CROCC2: variants seen among roughly 807,000 people sequenced by gnomAD.
CROCC2 encodes the protein ciliary rootlet coiled-coil protein 2.
A neutral mutation model predicts 177.6 loss-of-function variants in CROCC2; 163 were observed. The observed-to-expected ratio is 0.92, with a 90% CI of 0.81 to 1.05. CROCC2 has a LOEUF of 1.05. Among genes scored for constraint, CROCC2 ranks in the 50% least tolerant of loss-of-function variants. The probability of loss-of-function intolerance (pLI) is 0.00; values close to 1 mark genes in which losing one functional copy is unlikely to be tolerated. For missense variants in CROCC2, 1,929 were observed against 1,797.8 expected, an observed-to-expected ratio of 1.07 and a Z score of -1.32; for synonymous variants, 904 against 787.3, an observed-to-expected ratio of 1.15 and a Z score of -2.48.
At chr2:240,975,977 C>G (rs1244542519) in intron 27 of CROCC2, among the ~76,000 whole-genome samples, 1 of 152,128 alleles carries the variant, frequency 6.6e-6, no homozygotes, top group African/African-American at 2.4e-5. Flanking sequence ...AAAATCTGCC[C>G]ATCTCAGCCT....
rs112999140 is a variant in CROCC2, at chr2:240,968,164, C to G, written c.4303C>G (p.Arg1435Gly). The change falls in exon 27 of 32, where the codon CGG (arginine) becomes GGG (glycine). Residue 1435 changes from arginine (R) to glycine (G), a missense_variant. Coordinates refer to ENST00000690015, the MANE Select transcript of CROCC2 (RefSeq NM_001351305.2). Reference sequence around the variant, plus strand: ...GGTGGAGGGCGCGCTGAGCAGCGCCCGGGCAGCACGTGCCCTGCAGAAGGA... The same window carrying G: ...GGTGGAGGGCGCGCTGAGCAGCGCCGGGGCAGCACGTGCCCTGCAGAAGGA... Reference protein sequence around the residue: ...RRVEGALSSARAARALQKEAL... With the variant: ...RRVEGALSSAGAARALQKEAL... 2.2e-4 allele frequency: 332 copies of G among 1,525,506 alleles called. 1 individual carries two copies. The African/African-American group carries it at 3.7e-3, about 17-fold the overall frequency. The allele number at this position is 1,525,506 out of a possible 1,614,324, so 94.5% of individuals were successfully genotyped here.
At chr2:240,976,677 T>A (rs1303870173) in intron 27 of CROCC2, among the ~76,000 whole-genome samples, 1 of 116,422 alleles carries the variant, frequency 8.6e-6, no homozygotes, top group Non-Finnish European at 1.8e-5. Flanking sequence ...GAGCCCAGGC[T>A]CATCCCTGCT....
intron 22 of CROCC2, among the ~76,000 whole-genome samples, chr2:240,964,930 C>G (rs932429436): frequency 6.6e-6 from 1 of 152,148 alleles, no homozygotes; most frequent in Non-Finnish European, 1.5e-5. Context: ...CAGCAGCACA[C>G]GGAAGTATCC....
chr2:240,936,187 T>A (rs759276845), intron 14 of CROCC2, among the ~76,000 whole-genome samples: 2 of 152,192 alleles, frequency 1.3e-5, no homozygotes, highest in Non-Finnish European at 2.9e-5. Flanking sequence ...TGGGGTCACC[T>A]TTTTCCTCTT....
Position 240,988,860 on chromosome 2 carries a change from A to G in CROCC2, c.4673A>G (p.Gln1558Arg). ...GTGGACGGAGCCCTGAGGCAAAATCAGCAGCTGCAGGTCAACTGGGCCAGT... is the reference window on the plus strand; with the variant it reads ...GTGGACGGAGCCCTGAGGCAAAATCGGCAGCTGCAGGTCAACTGGGCCAGT... ...QEVDGALRQN[Q>R]QLQAQMTEME... Residue 1558 changes from glutamine to arginine, a missense_variant, in exon 29 of 32, where the codon CAG becomes CGG. Physicochemically the swap from Gln to Arg is conservative, Grantham distance 43. Around this residue, in one of 3 missense-constraint regions of CROCC2, gnomAD observed 388 missense variants for 352.7 expected, o/e 1.10. Transcript: ENST00000690015. 1 of 1,483,264 alleles carries G rather than the reference A, an allele frequency of 6.7e-7. No individual in the cohort carries two copies. Among genetic ancestry groups the G allele is most frequent in the Non-Finnish European group, 9.0e-7 (1 of 1,108,640 alleles). 91.9% of individuals were successfully genotyped at this position (1,483,264 alleles called of 1,614,324 possible). A position where few individuals can be genotyped will look rare whatever the true frequency, so the allele number is the denominator to read the frequency against.
In CROCC2 at chr2:240,949,669, C is replaced by T. The variant is rs2106469691; in HGVS notation, c.2619C>T (p.His873=). Residue 873 remains histidine, a synonymous_variant, in exon 17 of 32, where the codon CAC becomes CAT. Coordinates refer to ENST00000690015, the MANE Select transcript of CROCC2 (RefSeq NM_001351305.2). The surrounding 1 kb of genome is among the most constrained non-coding windows in gnomAD (Gnocchi z 4.5). ...CCCTGGAGAGCCAGGCGTTGGCCCA[C>T]CGAGAGGCCCTGGCACAGCTCCAAA... The part of the protein sequence containing the change: ...QRALESQALA[H]REALAQLQRE... 1.3e-6 allele frequency: 2 copies of T among 1,549,108 alleles called. No homozygotes were observed. The highest frequency in any genetic ancestry group is 1.9e-4 in the Middle Eastern group (1 of 5,378).
intron 14 of CROCC2, among the ~76,000 whole-genome samples, chr2:240,940,096 A>G (rs2059487906): frequency 6.6e-6 from 1 of 151,902 alleles, no homozygotes. Context: ...GTGTTGATTT[A>G]TTTCTTTGAT....
At chr2:240,912,955 T>C (rs559031848) in intron 1 of CROCC2, among the ~76,000 whole-genome samples, 2 of 152,206 alleles carry the variant, frequency 1.3e-5, no homozygotes, top group Admixed American at 6.5e-5. Flanking sequence ...CAGGCCACGG[T>C]GCCCGTCGCT....
chr2:240,963,988 C>T, intron 21 of CROCC2: 1 of 602,810 alleles, frequency 1.7e-6, no homozygotes. Context: ...CATGGACACA[C>T]CTGTCCCTGC....
At chr2:240,932,510 G>A (rs1477158159) in intron 8 of CROCC2, 96 bp downstream of exon 8, 8 of 704,500 alleles carry the variant, frequency 1.1e-5, no homozygotes, top group Admixed American at 4.1e-5. Flanking sequence ...GGCAGTGGAC[G>A]GCCTGCAGGG....
At position 240,949,599 on chromosome 2, in the gene CROCC2, G is replaced by T. The variant is rs544973531; in HGVS notation, c.2549G>T (p.Arg850Leu). ...ATGAAGCTGCGGCAGGACACGGTGCGGCTCCAGCGACAGGTGGCACAGCAG... is the reference window on the plus strand; with the variant it reads ...ATGAAGCTGCGGCAGGACACGGTGCTGCTCCAGCGACAGGTGGCACAGCAG... ...QEMKLRQDTVRLQRQVAQQER... is the reference protein window; with the variant it reads ...QEMKLRQDTVLLQRQVAQQER... The change falls in exon 17 of 32, where the codon CGG (arginine) becomes CTG (leucine). Residue 850 changes from arginine to leucine, a missense_variant. Coordinates refer to ENST00000690015, the MANE Select transcript of CROCC2 (RefSeq NM_001351305.2). The surrounding 1 kb of genome is among the most constrained non-coding windows in gnomAD (Gnocchi z 4.5). 5 of 1,550,588 alleles carry T rather than the reference G, an allele frequency of 3.2e-6. No homozygotes were observed. Among genetic ancestry groups the T allele is most frequent in the Middle Eastern group, 1.7e-4 (1 of 5,990 alleles).
At chr2:240,968,005 C>T in intron 26 of CROCC2, 124 bp from the exon 27 acceptor site, 1 of 1,054,062 alleles carries the variant, frequency 9.5e-7, no homozygotes, top group Non-Finnish European at 1.3e-6. Context: ...GACCCTTGAG[C>T]TGCAAGGATG....
At position 240,949,208 on chromosome 2, in the gene CROCC2, G is replaced by A. The variant is rs1357598877; in HGVS notation, c.2482+111G>A. 2.8e-6 allele frequency: 4 copies of A among 1,439,644 alleles called. No individual in the cohort carries two copies. Among genetic ancestry groups the A allele is most frequent in the South Asian group, 3.0e-5 (2 of 67,322 alleles). The allele number at this position is 1,439,644 out of a possible 1,614,324, so 89.2% of individuals were successfully genotyped here. On this transcript the variant is annotated intron_variant, in intron 16 of 31. Coordinates refer to ENST00000690015, the MANE Select transcript of CROCC2 (RefSeq NM_001351305.2). The surrounding 1 kb of genome is among the most constrained non-coding windows in gnomAD (Gnocchi z 4.5). ...TGCACCCCCTCTCCGGAGCCCACAG[G>A]GGCATGAACATGAGCTTGGAGCTCA... is the stretch of plus-strand genomic sequence containing the variant.
chr2:240,927,068 G>C (rs1195628596), intron 5 of CROCC2, among the ~76,000 whole-genome samples: 2 of 152,222 alleles, frequency 1.3e-5, no homozygotes, highest in African/African-American at 2.4e-5. Flanking sequence ...CTTGAGAACT[G>C]TTCTCACTGG....
intron 20 of CROCC2, among the ~76,000 whole-genome samples, chr2:240,962,032 A>G (rs2059644549): frequency 3.3e-5 from 1 of 30,270 alleles, no homozygotes; most frequent in Non-Finnish European, 9.7e-5. Context: ...ACACACACGC[A>G]CGCACACACG....
At position 240,983,639 on chromosome 2, in the gene CROCC2, G is replaced by A. The variant is rs768001800; in HGVS notation, c.4551+610G>A. The A allele has an allele frequency of 1.5e-5, 19 of 1,282,034 alleles. No homozygotes were observed. In the South Asian group the frequency reaches 1.9e-4, roughly 13 times the overall value. 79.4% of individuals were successfully genotyped at this position (1,282,034 alleles called of 1,614,324 possible). ...GAGCTCCTGGCTGGGGTCCGCAGGG[G>A]CGCGGCTGGGAGAGGCGCTGGCCCA... On this transcript the variant is annotated intron_variant, in intron 28 of 31. Coordinates refer to ENST00000690015, the MANE Select transcript of CROCC2 (RefSeq NM_001351305.2).
chr2:240,982,896 T>C lies in CROCC2; in HGVS notation c.4418T>C (p.Leu1473Pro). The C allele has an allele frequency of 6.5e-7, 1 of 1,549,016 alleles. No homozygotes were observed. Among genetic ancestry groups the C allele is most frequent in the Non-Finnish European group, 8.7e-7 (1 of 1,146,340 alleles). ...TCCCCCCAGGAGCAACTGGAAACGC[T>C]GCGCCAGGCTCTTGAAGAGAGCAGG... ...KRRLQEQLET[L>P]RQALEESRRH... Residue 1473 changes from leucine (L) to proline (P), a missense_variant, in exon 28 of 32, where the codon CTG (leucine) becomes CCG (proline). Physicochemically the swap from Leu to Pro is moderately conservative, Grantham distance 98. Transcript: ENST00000690015. The surrounding 1 kb of genome is among the most constrained non-coding windows in gnomAD (Gnocchi z 4.7).
chr2:240,950,393 G>A lies in CROCC2; in HGVS notation c.2712G>A (p.Gln904=), dbSNP rs1180151499. The A allele has an allele frequency of 3.2e-6, 5 of 1,550,120 alleles. No homozygotes were observed. In the East Asian group the frequency reaches 7.4e-5, roughly 23 times the overall value. Residue 904 remains glutamine (Q), a synonymous_variant, in exon 18 of 32, where the codon CAG becomes CAA. Transcript: ENST00000690015. ...AGGTAGCCAGATGCCAGCTGGAGCAGGAGAAGGAGCTGGTGACAAAAAGTG... is the reference window on the plus strand; with the variant it reads ...AGGTAGCCAGATGCCAGCTGGAGCAAGAGAAGGAGCTGGTGACAAAAAGTG... ...EKEVARCQLE[Q]EKELVTKSAA... is the part of the protein sequence containing the mutation.
intron 1 of CROCC2, among the ~76,000 whole-genome samples, chr2:240,910,510 C>T (rs1003627458): frequency 6.6e-6 from 1 of 152,142 alleles, no homozygotes; most frequent in African/African-American, 2.4e-5. Flanking sequence ...CTGCAGGATC[C>T]GTGGGGTAAC....
Sources: gnomAD v4.1 joint callset for allele counts (sites outside exome capture counted in the v4.1 genomes callset) on GRCh38, gnomAD v4.1.1 for gene constraint, gnomAD v4.1.1 regional missense constraint, Gnocchi (gnomAD v3.1) non-coding constraint, MANE v1.5 for transcripts, NCBI Gene and HGNC (gene_info 2026-07-23, HGNC 2026-07-21) for gene names.